The following RBPJ variants were observed in gnomAD, a reference collection of about 807,000 sequenced individuals.
RBPJ encodes the protein recombination signal binding protein for immunoglobulin kappa J region.
A neutral mutation model predicts 67.8 loss-of-function variants in RBPJ; 9 were observed. The ratio of observed to expected loss-of-function variants is 0.13; its 90% CI spans 0.08 to 0.23. The LOEUF (loss-of-function observed/expected upper bound fraction) is 0.23. RBPJ is among the 10% of genes least tolerant of loss of function. The pLI is 1.00. For missense variants in RBPJ, 305 were observed against 595.6 expected (o/e 0.51, Z 5.08); for synonymous variants, 198 against 203.3 (o/e 0.97, Z 0.22).
At chr4:26,131,093 A>G in the RBPJ span, among the ~76,000 whole-genome samples, 1 of 152,262 alleles carries the variant, frequency 6.6e-6, no homozygotes, top group East Asian at 1.9e-4. Flanking sequence ...TTTGTGCAAC[A>G]TGCCAACTGG....
chr4:26,241,377 G>GA, intron 1 of RBPJ, among the ~76,000 whole-genome samples: 1 of 152,254 alleles, frequency 6.6e-6, no homozygotes, highest in Middle Eastern at 3.4e-3. Flanking sequence ...AACTGACTTG[G>GA]AATCAAGCAT....
At chr4:26,177,621 A>G (rs562834655) in intron 1 of RBPJ, among the ~76,000 whole-genome samples, 3 of 152,166 alleles carry the variant, frequency 2.0e-5, no homozygotes, top group African/African-American at 4.8e-5. Context: ...GGAAAGAAAA[A>G]AAGAAAAGGA....
intron 1 of RBPJ, among the ~76,000 whole-genome samples, chr4:26,233,704 G>A (rs759486709): frequency 7.2e-5 from 11 of 152,130 alleles, no homozygotes; most frequent in Non-Finnish European, 1.6e-4. Flanking sequence ...ATGCCGTTAT[G>A]CAAAGCACTG....
At chr4:26,356,828 G>A (rs1359700351) in intron 1 of RBPJ, among the ~76,000 whole-genome samples, 2 of 152,230 alleles carry the variant, frequency 1.3e-5, no homozygotes, top group Non-Finnish European at 2.9e-5. Context: ...GAAATTGCTA[G>A]TTGCAAAGAT....
At chr4:26,144,356 T>G in the RBPJ span, among the ~76,000 whole-genome samples, 2 of 145,124 alleles carry the variant, frequency 1.4e-5, no homozygotes, top group Non-Finnish European at 3.0e-5. Context: ...CTGCAACCTC[T>G]GCTCCTGAGT....
chr4:26,318,996 C>CAAAA (rs201084739), upstream of RBPJ, among the ~76,000 whole-genome samples: 27 of 83,874 alleles, frequency 3.2e-4, no homozygotes, highest in South Asian at 6.6e-4. Context: ...GACTCCGTCT[C>CAAAA]AAAAAAAAAA....
intron 1 of RBPJ, among the ~76,000 whole-genome samples, chr4:26,206,445 A>C (rs1388457916): frequency 2.6e-5 from 4 of 152,116 alleles, no homozygotes; most frequent in African/African-American, 9.7e-5. Flanking sequence ...TTTATGTGTA[A>C]CTTCCTTTGC....
chr4:26,201,977 G>A (rs1717994639), intron 1 of RBPJ, among the ~76,000 whole-genome samples: 1 of 152,172 alleles, frequency 6.6e-6, no homozygotes. Context: ...CCAACCATCA[G>A]CAGCACCGAA....
intron 1 of RBPJ, among the ~76,000 whole-genome samples, chr4:26,339,378 A>G (rs1725250640): frequency 1.3e-5 from 2 of 152,196 alleles, no homozygotes; most frequent in Admixed American, 6.5e-5. Context: ...TCATGCCTGT[A>G]ATCCCAGCAC....
chr4:26,123,257 G>A, the RBPJ span, among the ~76,000 whole-genome samples: 1 of 152,142 alleles, frequency 6.6e-6, no homozygotes, highest in African/African-American at 2.4e-5. Flanking sequence ...AGAGCACAAT[G>A]GGAAGCATTT....
At chr4:26,203,535 G>A (rs1486115907) in intron 1 of RBPJ, among the ~76,000 whole-genome samples, 2 of 152,108 alleles carry the variant, frequency 1.3e-5, no homozygotes, top group Non-Finnish European at 2.9e-5. Flanking sequence ...CCCCTAACAA[G>A]TAAGCTCGGT....
At chr4:26,415,755 T>A in intron 4 of RBPJ, 115 bp downstream of exon 4, 1 of 1,032,872 alleles carries the variant, frequency 9.7e-7, no homozygotes, top group Non-Finnish European at 1.4e-6. Flanking sequence ...TAACAATTTC[T>A]TGAATATATA....
At chr4:26,257,352 G>A (rs1720374263) in intron 1 of RBPJ, among the ~76,000 whole-genome samples, 1 of 152,336 alleles carries the variant, frequency 6.6e-6, no homozygotes, top group Non-Finnish European at 1.5e-5. Context: ...TGGAGTCGCC[G>A]GGCACGGCGG....
chr4:26,390,055 A>G (rs1338848886), intron 2 of RBPJ, among the ~76,000 whole-genome samples: 2 of 152,232 alleles, frequency 1.3e-5, no homozygotes, highest in African/African-American at 2.4e-5. Flanking sequence ...AAATTTTCAA[A>G]TGGAATCCAA....
At chr4:26,297,257 CAGCACTCAGCACTCT>C (rs1359772445) in intron 1 of RBPJ, among the ~76,000 whole-genome samples, 1 of 152,016 alleles carries the variant, frequency 6.6e-6, no homozygotes, top group African/African-American at 2.4e-5. Context: ...GAGCACACCA[CAGCACTCAGCACTCT>C]AGCCGGGGTG....
intron 2 of RBPJ, among the ~76,000 whole-genome samples, chr4:26,395,670 A>C (rs543063095): frequency 5.5e-4 from 83 of 152,202 alleles, no homozygotes; most frequent in Middle Eastern, 3.4e-3. Flanking sequence ...CCATTAGTGG[A>C]AGCACCCCGA....
chr4:26,326,309 C>T (rs1367221996), intron 1 of RBPJ, among the ~76,000 whole-genome samples: 1 of 151,768 alleles, frequency 6.6e-6, no homozygotes, highest in Non-Finnish European at 1.5e-5. Flanking sequence ...TATAGTAAGG[C>T]TCTTAGGCAA....
chr4:26,409,443 T>G (rs1733799426), intron 3 of RBPJ, among the ~76,000 whole-genome samples: 1 of 152,058 alleles, frequency 6.6e-6, no homozygotes, highest in African/African-American at 2.4e-5. Context: ...AGAGCTGTAG[T>G]GGTTTGTCAA....
intron 1 of RBPJ, among the ~76,000 whole-genome samples, chr4:26,309,765 A>G (rs1280439476): frequency 6.6e-6 from 1 of 152,172 alleles, no homozygotes. Context: ...TAAATAGATA[A>G]CTGGAATTTT....
Sources: gnomAD v4.1 joint callset for allele counts (sites outside exome capture counted in the v4.1 genomes callset) on GRCh38, gnomAD v4.1.1 for gene constraint, MANE v1.5 for transcripts, NCBI Gene and HGNC (gene_info 2026-07-23, HGNC 2026-07-21) for gene names.